GATAD1: variants seen among roughly 807,000 people sequenced by gnomAD.
GATAD1 encodes the protein GATA zinc finger domain-containing protein 1.
Under a neutral mutation model 26.5 loss-of-function variants are expected in GATAD1, and 12 were observed. The observed-to-expected ratio is 0.45, with a 90% confidence interval of 0.29 to 0.73. The LOEUF is 0.73. GATAD1 is among the 30% of genes least tolerant of loss of function. The pLI is 0.10. For synonymous variants in GATAD1, 129 were observed against 133.1 expected (o/e 0.97, Z 0.21); for missense variants, 266 against 342.1 (o/e 0.78, Z 1.75).
At chr7:92,449,228 C>CTT in intron 2 of GATAD1, 6 of 849,942 alleles carry the variant, frequency 7.1e-6, no homozygotes, top group Non-Finnish European at 8.5e-6. Context: ...ACTAAGAAAA[C>CTT]TTTTTTTTTT....
the GATAD1 span, chr7:92,494,061 C>A: frequency 2.2e-6 from 1 of 454,570 alleles, no homozygotes; most frequent in Non-Finnish European, 4.0e-6. Flanking sequence ...ATTTTTTTTT[C>A]CCCAATCAGC....
chr7:92,467,009 A>AAT, the GATAD1 span, among the ~76,000 whole-genome samples: 6 of 152,236 alleles, frequency 3.9e-5, no homozygotes, highest in East Asian at 9.6e-4. Context: ...TCAGTTTTTA[A>AAT]ATATATATAT....
chr7:92,469,837 T>A, the GATAD1 span: 6 of 771,744 alleles, frequency 7.8e-6, no homozygotes, highest in East Asian at 1.5e-4. Context: ...GTTAGTAGGG[T>A]TTTGGGCCGA....
chr7:92,474,886 G>C, the GATAD1 span: 1 of 151,984 alleles, frequency 6.6e-6, no homozygotes, highest in African/African-American at 2.4e-5. Context: ...TGCTTGGAGG[G>C]GTCATAATTG....
At chr7:92,480,468 G>A in the GATAD1 span, among the ~76,000 whole-genome samples, 1 of 152,222 alleles carries the variant, frequency 6.6e-6, no homozygotes, top group East Asian at 1.9e-4. Context: ...ACACTGAGAA[G>A]TGATTTCCTT....
chr7:92,478,255 C>T, the GATAD1 span, among the ~76,000 whole-genome samples: 1 of 152,200 alleles, frequency 6.6e-6, no homozygotes, highest in African/African-American at 2.4e-5. Flanking sequence ...AAGCCCGCCC[C>T]AGGGACTTCT....
At chr7:92,460,738 A>T (rs1208504776), downstream of GATAD1, among the ~76,000 whole-genome samples, 2 of 145,936 alleles carry the variant, frequency 1.4e-5, no homozygotes, top group African/African-American at 5.1e-5. Context: ...TGATTGTGCC[A>T]CCACTCCAGC....
At chr7:92,449,184 AG>A in intron 2 of GATAD1, 1 of 1,047,226 alleles carries the variant, frequency 9.5e-7, no homozygotes, top group Non-Finnish European at 1.2e-6. Flanking sequence ...GGAAAGGAAG[AG>A]GAGAGATTAT....
chr7:92,477,414 G>A, the GATAD1 span: 9 of 152,334 alleles, frequency 5.9e-5, no homozygotes, highest in African/African-American at 2.2e-4. Flanking sequence ...TTGCCAAAAT[G>A]TTACCGGGGG....
the GATAD1 span, among the ~76,000 whole-genome samples, chr7:92,478,854 T>C: frequency 1.3e-5 from 2 of 152,166 alleles, no homozygotes; most frequent in Non-Finnish European, 2.9e-5. Context: ...TGTCAGCACA[T>C]GTACCAAGTG....
chr7:92,451,658 A>T (rs755549934), intron 3 of GATAD1, among the ~76,000 whole-genome samples: 4 of 152,238 alleles, frequency 2.6e-5, no homozygotes, highest in Non-Finnish European at 5.9e-5. Flanking sequence ...ACAACAAAAA[A>T]AGTCTGTACA....
At chr7:92,477,099 G>T in the GATAD1 span, among the ~76,000 whole-genome samples, 2 of 152,162 alleles carry the variant, frequency 1.3e-5, no homozygotes, top group Admixed American at 6.5e-5. Flanking sequence ...GATCTCAACC[G>T]GCTACTGCCG....
chr7:92,452,594 G>A (rs1012855506), intron 3 of GATAD1, among the ~76,000 whole-genome samples: 1 of 152,184 alleles, frequency 6.6e-6, no homozygotes, highest in Non-Finnish European at 1.5e-5. Context: ...TGCTGTTCTC[G>A]TGTGGACCCC....
Position 92,458,638 on chromosome 7 carries a change from ATT to A in GATAD1, c.*2079_*2080del, listed in dbSNP as rs1383207060. On this transcript the variant is annotated 3_prime_UTR_variant, in exon 5 of 5. Coordinates refer to ENST00000287957, the MANE Select transcript of GATAD1 (RefSeq NM_021167.5). ...TGCAGAATCTAAGTTGATTGTAATGATTTTGAGCTGCAGCAGCTTTAACTCTT... is the reference window on the plus strand; with the variant it reads ...TGCAGAATCTAAGTTGATTGTAATGATTGAGCTGCAGCAGCTTTAACTCTT... The A allele has an allele frequency of 6.6e-6, 1 of 152,140 alleles. No homozygotes were observed. Among genetic ancestry groups the A allele is most frequent in the Non-Finnish European group, 1.5e-5 (1 of 68,024 alleles). 9.4% of individuals were successfully genotyped at this position (152,140 alleles called of 1,614,324 possible). A position where few individuals can be genotyped will look rare whatever the true frequency, so the allele number is the denominator to read the frequency against.
the GATAD1 span, among the ~76,000 whole-genome samples, chr7:92,485,525 C>T: frequency 6.6e-6 from 1 of 152,232 alleles, no homozygotes; most frequent in African/African-American, 2.4e-5. Flanking sequence ...CCTGTCATCA[C>T]ATCACAAGTT....
At chr7:92,452,915 AT>A (rs1217752159) in intron 3 of GATAD1, among the ~76,000 whole-genome samples, 1 of 152,254 alleles carries the variant, frequency 6.6e-6, no homozygotes, top group Non-Finnish European at 1.5e-5. Flanking sequence ...GGGAATATTG[AT>A]TATACATGTG....
the GATAD1 span, chr7:92,491,098 T>C: frequency 3.4e-6 from 2 of 583,022 alleles, no homozygotes; most frequent in Non-Finnish European, 6.1e-6. Context: ...CTTGAAAATC[T>C]TAACAAGGAA....
At position 92,447,579 on chromosome 7, in the gene GATAD1, C is replaced by T; in HGVS notation, c.-151C>T. On this transcript the variant is annotated 5_prime_UTR_variant, in exon 1 of 5. Coordinates refer to ENST00000287957, the MANE Select transcript of GATAD1 (RefSeq NM_021167.5). ...GCTTCCCGCCTCCACGGGGCAGCGC[C>T]AGCGGCCTGGTCCTTTCACCGGCAG... The T allele has an allele frequency of 9.4e-7, 1 of 1,061,442 alleles. No individual in the cohort carries two copies. The highest frequency in any genetic ancestry group is 1.2e-6 in the Non-Finnish European group (1 of 816,570). The allele number at this position is 1,061,442 out of a possible 1,614,324, so 65.8% of individuals were successfully genotyped here.
the GATAD1 span, among the ~76,000 whole-genome samples, chr7:92,486,354 T>G: frequency 1.3e-5 from 2 of 152,228 alleles, no homozygotes; most frequent in Non-Finnish European, 2.9e-5. Context: ...CCACCCTTCA[T>G]GAACTTACTA....
Sources: gnomAD v4.1 joint callset for allele counts (sites outside exome capture counted in the v4.1 genomes callset) on GRCh38, gnomAD v4.1.1 for gene constraint, MANE v1.5 for transcripts, NCBI Gene and HGNC (gene_info 2026-07-23, HGNC 2026-07-21) for gene names.